The following ATG3 variants were observed in gnomAD, a reference collection of about 807,000 sequenced individuals.
The protein encoded by ATG3 is autophagy related 3, also known as ubiquitin-like-conjugating enzyme ATG3.
ATG3 carries 25 observed loss-of-function variants against 50.7 expected under a neutral mutation model. The ratio of observed to expected loss-of-function variants is 0.49; its 90% CI spans 0.36 to 0.69. The LOEUF (loss-of-function observed/expected upper bound fraction) is 0.69. ATG3 is among the 30% of genes least tolerant of loss of function. ATG3 has a pLI of 0.00. For synonymous variants in ATG3, 119 were observed against 125.5 expected (o/e 0.95, Z 0.34); for missense variants, 281 against 376.0 (o/e 0.75, Z 2.09).
intron 3 of ATG3, 127 bp from the exon 4 acceptor site, chr3:112,550,389 G>T: frequency 2.7e-6 from 2 of 738,944 alleles, no homozygotes; most frequent in South Asian, 2.0e-5. Flanking sequence ...GTTTAAAATT[G>T]ATTTGGGAAG....
intron 8 of ATG3, 100 bp downstream of exon 8, chr3:112,538,046 A>G: frequency 8.1e-7 from 1 of 1,234,976 alleles, no homozygotes; most frequent in Non-Finnish European, 1.1e-6. Context: ...CAATATGAAC[A>G]AATTAGAATG....
chr3:112,549,807 A>AC (rs1559846873), intron 4 of ATG3, among the ~76,000 whole-genome samples: 3 of 150,716 alleles, frequency 2.0e-5, no homozygotes, highest in African/African-American at 7.4e-5. Flanking sequence ...CCAAAAAAAA[A>AC]AAAAAAAAAA....
At chr3:112,542,144 G>T (rs939647364) in intron 6 of ATG3, among the ~76,000 whole-genome samples, 1 of 152,062 alleles carries the variant, frequency 6.6e-6, no homozygotes, top group African/African-American at 2.4e-5. Context: ...AAAAATAATT[G>T]CCAGTTGCAC....
chr3:112,538,189 A>T lies in ATG3; in HGVS notation c.476-9T>A. On this transcript the variant is annotated splice_polypyrimidine_tract_variant and intron_variant, in intron 7 of 11. Coordinates refer to ENST00000283290, the MANE Select transcript of ATG3 (RefSeq NM_022488.5). ...TCCACTCTCTTCATATTCTGTTATA[A>T]AAAAACAACAAAAGATTAATCAAGT... 1 of 1,566,088 alleles carries T rather than the reference A, an allele frequency of 6.4e-7. No homozygotes were observed. Among genetic ancestry groups the T allele is most frequent in the Non-Finnish European group, 8.7e-7 (1 of 1,150,200 alleles).
chr3:112,536,598 C>T lies in ATG3; in HGVS notation c.671G>A (p.Arg224Gln). 1.2e-6 allele frequency: 2 copies of T among 1,613,868 alleles called. No homozygotes were observed. The highest frequency in any genetic ancestry group is 8.5e-7 in the Non-Finnish European group (1 of 1,179,898). ...CATGTGCTCAACTGTTAAAGGCTGC[C>T]GTTGCTGAAAGCATAAAAAATGCTT... is the stretch of plus-strand genomic sequence containing the variant. Reference protein sequence around the residue: ...RLWLFGYDEQRQPLTVEHMYE... With the variant: ...RLWLFGYDEQQQPLTVEHMYE... The change falls in exon 10 of 12, where the codon CGG becomes CAG. Residue 224 changes from arginine to glutamine, a missense_variant. By Grantham distance (43) the Arg-to-Gln change is conservative. Around this residue, in one of 3 missense-constraint regions of ATG3, gnomAD observed 242 missense variants for 305.0 expected, o/e 0.79. Coordinates refer to ENST00000283290, the MANE Select transcript of ATG3 (RefSeq NM_022488.5).
chr3:112,540,541 T>A (rs1873571), intron 7 of ATG3, among the ~76,000 whole-genome samples: 2 of 151,766 alleles, frequency 1.3e-5, no homozygotes, highest in African/African-American at 4.8e-5. Flanking sequence ...TAATTTATAC[T>A]CTATCTTTCT....
At chr3:112,550,057 T>G (rs1021519609) in intron 4 of ATG3, 135 bp downstream of exon 4, 2 of 584,874 alleles carry the variant, frequency 3.4e-6, no homozygotes, top group Admixed American at 7.0e-5. Context: ...GACAACTATA[T>G]GTTTTTGGCA....
intron 7 of ATG3, 118 bp downstream of exon 7, chr3:112,541,685 T>C: frequency 1.2e-6 from 1 of 804,074 alleles, no homozygotes; most frequent in Non-Finnish European, 2.0e-6. Context: ...TATAAAACAC[T>C]CACTAGGCTG....
At position 112,534,346 on chromosome 3, in the gene ATG3, C is replaced by CAAA. The variant is rs11381118; in HGVS notation, c.795-12_795-10dup. The CAAA allele has an allele frequency of 2.7e-4, 346 of 1,276,684 alleles. No homozygotes were observed. The highest frequency in any genetic ancestry group is 7.9e-4 in the South Asian group (46 of 58,448). 79.1% of individuals were successfully genotyped at this position (1,276,684 alleles called of 1,614,324 possible). A position where few individuals can be genotyped will look rare whatever the true frequency, so the allele number is the denominator to read the frequency against. ...TCATCACCTCAGCATGCCTAGAAGC[C>CAAA]AAAAAAAAAAAAAATTGTTAATGTA... On this transcript the variant is annotated splice_polypyrimidine_tract_variant and intron_variant, in intron 10 of 11. Coordinates refer to ENST00000283290, the MANE Select transcript of ATG3 (RefSeq NM_022488.5).
chr3:112,538,878 A>T (rs1933149125), intron 7 of ATG3, among the ~76,000 whole-genome samples: 1 of 152,206 alleles, frequency 6.6e-6, no homozygotes, highest in Non-Finnish European at 1.5e-5. Context: ...CAAATATCAC[A>T]TGTCTGAAAC....
chr3:112,534,363 GT>G, intron 10 of ATG3, 26 bp from the exon 11 acceptor site: 21 of 1,274,950 alleles, frequency 1.6e-5, no homozygotes, highest in Non-Finnish European at 2.3e-5. Flanking sequence ...AAAAAAAATT[GT>G]TAATGTAGAT....
intron 11 of ATG3, chr3:112,533,532 T>C (rs1424451574): frequency 2.0e-6 from 2 of 985,182 alleles, no homozygotes; most frequent in Non-Finnish European, 2.4e-6. Context: ...CACAGTCTGA[T>C]TAGACGTGGC....
At chr3:112,532,859 T>G in intron 11 of ATG3, 79 bp from the exon 12 acceptor site, 1 of 1,384,080 alleles carries the variant, frequency 7.2e-7, no homozygotes, top group Non-Finnish European at 9.4e-7. Flanking sequence ...ATCCATTTTA[T>G]TAAGCCATTA....
intron 1 of ATG3, among the ~76,000 whole-genome samples, chr3:112,559,670 T>C (rs969110145): frequency 3.3e-5 from 5 of 152,204 alleles, no homozygotes; most frequent in Non-Finnish European, 5.9e-5. Context: ...GCGTTTCAGA[T>C]AGAGGGAAGA....
intron 11 of ATG3, chr3:112,533,378 C>T: frequency 1.0e-6 from 1 of 985,198 alleles, no homozygotes; most frequent in Non-Finnish European, 1.2e-6. Flanking sequence ...TTCCAAGTTG[C>T]TACCTAGCAT....
At chr3:112,558,283 T>TA (rs1158433479) in intron 2 of ATG3, 93 bp downstream of exon 2, 1 of 903,050 alleles carries the variant, frequency 1.1e-6, no homozygotes, top group Admixed American at 2.5e-5. Context: ...AAATCAAAAT[T>TA]AAAGTTCAAG....
intron 5 of ATG3, among the ~76,000 whole-genome samples, chr3:112,544,597 T>C (rs1263939875): frequency 7.7e-6 from 1 of 129,972 alleles, no homozygotes; most frequent in African/African-American, 2.8e-5. Flanking sequence ...GAGGTTGCAA[T>C]GAGCCGAAAT....
At chr3:112,558,077 G>A (rs900265143) in intron 2 of ATG3, 2 of 321,816 alleles carry the variant, frequency 6.2e-6, no homozygotes, top group Non-Finnish European at 1.1e-5. Flanking sequence ...TTACTGCACA[G>A]CTCAATATAA....
intron 10 of ATG3, chr3:112,535,056 TGGCTAA>T (rs762450590): frequency 1.3e-5 from 2 of 152,170 alleles, no homozygotes; most frequent in African/African-American, 4.8e-5. Context: ...CATCTTTTCA[TGGCTAA>T]CTGTTCTCTC....
Sources: allele counts gnomAD v4.1 joint callset (sites outside exome capture counted in the v4.1 genomes callset), GRCh38; gene constraint gnomAD v4.1.1; regional missense constraint gnomAD v4.1.1; transcripts MANE v1.5; gene names NCBI Gene and HGNC (gene_info 2026-07-23, HGNC 2026-07-21).